Variants in PIGN observed in about 807,000 individuals in gnomAD.
The protein encoded by PIGN is phosphatidylinositol glycan anchor biosynthesis class N, also known as GPI ethanolamine phosphate transferase 1.
In PIGN, 117 loss-of-function variants were observed where a neutral mutation model predicts 125.4. The ratio of observed to expected loss-of-function variants is 0.93; its 90% CI spans 0.80 to 1.09. The LOEUF is 1.09. Among genes scored for constraint, PIGN ranks in the 50% least tolerant of loss-of-function variants. The probability of loss-of-function intolerance (pLI) is 0.00; values close to 1 mark genes in which losing one functional copy is unlikely to be tolerated. For synonymous variants in PIGN, 392 were observed against 377.8 expected, an observed-to-expected ratio of 1.04 and a Z score of -0.44; for missense variants, 1,075 against 1,094.9, an observed-to-expected ratio of 0.98 and a Z score of 0.26.
chr18:62,170,294 T>C (rs943711632), intron 1 of PIGN, among the ~76,000 whole-genome samples: 1 of 152,218 alleles, frequency 6.6e-6, no homozygotes, highest in African/African-American at 2.4e-5. Flanking sequence ...AGATTTATTT[T>C]TGCAAGGTGA....
chr18:62,076,157 T>G (rs1471038948), intron 28 of PIGN: 1 of 152,132 alleles, frequency 6.6e-6, no homozygotes, highest in East Asian at 1.9e-4. Flanking sequence ...GCTAGTCTTG[T>G]ACTCCTGACC....
At chr18:62,123,227 A>G (rs9319999) in intron 14 of PIGN, among the ~76,000 whole-genome samples, 88,232 of 151,880 alleles carry the variant, frequency 0.58, 26,377 homozygotes, top group East Asian at 0.76. Flanking sequence ...GCAACAGCGT[A>G]AGACCCTCTT....
intron 29 of PIGN, 146 bp downstream of exon 29, chr18:62,074,633 G>A (rs769321281): frequency 1.2e-5 from 6 of 514,644 alleles, no homozygotes; most frequent in Non-Finnish European, 2.1e-5. Context: ...TAATATAAAA[G>A]AACATAATTT....
At chr18:62,095,776 A>C (rs1365463984) in intron 23 of PIGN, 72 bp downstream of exon 23, 3 of 799,324 alleles carry the variant, frequency 3.8e-6, no homozygotes, top group Non-Finnish European at 6.3e-6. Context: ...GAAGTTAAAT[A>C]CTAATAGAGA....
chr18:62,110,842 A>C (rs971689137), intron 16 of PIGN, among the ~76,000 whole-genome samples: 2 of 148,078 alleles, frequency 1.4e-5, no homozygotes, highest in Admixed American at 6.8e-5. Flanking sequence ...AAGCATAATA[A>C]AAAATATATA....
At chr18:62,118,734 T>C (rs1314900311) in intron 14 of PIGN, 1 of 151,980 alleles carries the variant, frequency 6.6e-6, no homozygotes, top group Non-Finnish European at 1.5e-5. Flanking sequence ...TAAAAGTGCA[T>C]CTGGAATTTT....
intron 14 of PIGN, among the ~76,000 whole-genome samples, chr18:62,131,915 G>A (rs1175426662): frequency 1.3e-5 from 2 of 152,086 alleles, no homozygotes; most frequent in African/African-American, 2.4e-5. Context: ...ATCATGTCAC[G>A]AAAATTTTGA....
At position 62,045,680 on chromosome 18, in the gene PIGN, A is replaced by G; in HGVS notation, c.*176T>C. ...TATTTCATGCCTGCAAAACCTAGAA[A>G]AAAAAAGAAGCTCCTTTGTTCCAGA... On this transcript the variant is annotated 3_prime_UTR_variant, in exon 31 of 31. Coordinates refer to ENST00000640252, the MANE Select transcript of PIGN (RefSeq NM_176787.5). 1 of 535,760 alleles carries G rather than the reference A, an allele frequency of 1.9e-6. No homozygotes were observed. 33.2% of individuals were successfully genotyped at this position (535,760 alleles called of 1,614,324 possible).
chr18:62,019,589 G>A (rs2030026475), intron 23 of PIGN, among the ~76,000 whole-genome samples: 1 of 152,172 alleles, frequency 6.6e-6, no homozygotes. Flanking sequence ...GGAACTAGTG[G>A]GGAGGCAAAA....
At chr18:62,151,686 G>A (rs1248265561) in intron 7 of PIGN, among the ~76,000 whole-genome samples, 5 of 152,140 alleles carry the variant, frequency 3.3e-5, no homozygotes, top group Admixed American at 6.5e-5. Context: ...TTTCTTTCCC[G>A]TTCTAAAGTT....
intron 22 of PIGN, among the ~76,000 whole-genome samples, chr18:62,098,020 G>C (rs968519062): frequency 9.2e-5 from 14 of 152,250 alleles, no homozygotes; most frequent in African/African-American, 3.1e-4. Flanking sequence ...TTAAACTATA[G>C]GGCAAGTTCA....
chr18:62,036,246 T>A (rs1339494980), downstream of PIGN, among the ~76,000 whole-genome samples: 2 of 152,088 alleles, frequency 1.3e-5, no homozygotes, highest in African/African-American at 4.8e-5. Flanking sequence ...GTTGTTGTTG[T>A]TTTTTAAATC....
intron 28 of PIGN, among the ~76,000 whole-genome samples, chr18:62,078,908 T>TCCTA: frequency 6.6e-6 from 1 of 152,320 alleles, no homozygotes; most frequent in East Asian, 1.9e-4. Flanking sequence ...ATTCTTGTCT[T>TCCTA]CCTAAAGTTA....
At chr18:62,082,909 A>G (rs1381867225) in intron 27 of PIGN, among the ~76,000 whole-genome samples, 163 bp from the exon 28 acceptor site, 1 of 152,260 alleles carries the variant, frequency 6.6e-6, no homozygotes, top group East Asian at 1.9e-4. Flanking sequence ...TACCAATGGC[A>G]CATAGAACGG....
At chr18:62,064,635 T>C (rs2032394502) in intron 30 of PIGN, among the ~76,000 whole-genome samples, 1 of 152,252 alleles carries the variant, frequency 6.6e-6, no homozygotes, top group Non-Finnish European at 1.5e-5. Context: ...CATCATTTCA[T>C]GAGACTCAAT....
At chr18:62,149,695 T>C (rs140724144) in intron 7 of PIGN, among the ~76,000 whole-genome samples, 2 of 152,310 alleles carry the variant, frequency 1.3e-5, no homozygotes, top group Admixed American at 6.5e-5. Context: ...TTTTGACCTA[T>C]AACACTAACA....
intron 29 of PIGN, among the ~76,000 whole-genome samples, chr18:62,073,949 C>T (rs755342934): frequency 6.6e-6 from 1 of 152,180 alleles, no homozygotes. Context: ...GGGCTTTGGG[C>T]CATATTACCA....
chr18:62,087,947 T>A (rs1216187501), intron 25 of PIGN, among the ~76,000 whole-genome samples: 2 of 152,160 alleles, frequency 1.3e-5, no homozygotes, highest in Non-Finnish European at 2.9e-5. Flanking sequence ...ATGTACAGCA[T>A]GGTGACTATA....
At chr18:62,055,474 G>T (rs143856539) in intron 30 of PIGN, among the ~76,000 whole-genome samples, 1,694 of 152,234 alleles carry the variant, frequency 0.011, 82 homozygotes, top group East Asian at 0.09. Flanking sequence ...ATTAAATGTT[G>T]CCAGGGGTTA....
Sources: allele counts gnomAD v4.1 joint callset (sites outside exome capture counted in the v4.1 genomes callset), GRCh38; gene constraint gnomAD v4.1.1; transcripts MANE v1.5; gene names NCBI Gene and HGNC (gene_info 2026-07-23, HGNC 2026-07-21).